The following HTT variants were observed in gnomAD, a reference collection of about 807,000 sequenced individuals.
HTT encodes the protein huntington disease protein.
A neutral mutation model predicts 362.3 loss-of-function variants in HTT; 104 were observed. The observed-to-expected ratio is 0.29, with a 90% CI of 0.24 to 0.34. HTT has a LOEUF of 0.34. HTT is among the 10% of genes least tolerant of loss of function. The pLI is 1.00. For missense variants in HTT, 3,301 were observed against 3,928.6 expected, an observed-to-expected ratio of 0.84 and a Z score of 4.27; for synonymous variants, 1,577 against 1,548.7, an observed-to-expected ratio of 1.02 and a Z score of -0.43.
intron 19 of HTT, among the ~76,000 whole-genome samples, chr4:3,135,077 A>G (rs1715996867): frequency 6.6e-6 from 1 of 151,856 alleles, no homozygotes; most frequent in African/African-American, 2.4e-5. Flanking sequence ...AGTCCTCGTC[A>G]TTTAAGTATT....
chr4:3,087,757 GT>G (rs1439546326), intron 2 of HTT, among the ~76,000 whole-genome samples: 1 of 152,114 alleles, frequency 6.6e-6, no homozygotes, highest in African/African-American at 2.4e-5. Context: ...TATTCTCCTG[GT>G]AGAAGCTAGA....
intron 29 of HTT, among the ~76,000 whole-genome samples, chr4:3,168,516 G>T (rs1052607779): frequency 2.6e-5 from 4 of 152,094 alleles, no homozygotes; most frequent in African/African-American, 7.2e-5. Context: ...CCACATTCTT[G>T]ACAGGTAATG....
intron 57 of HTT, among the ~76,000 whole-genome samples, chr4:3,227,114 C>CA (rs1720959616): frequency 6.6e-6 from 1 of 152,242 alleles, no homozygotes; most frequent in Non-Finnish European, 1.5e-5. Context: ...CCTATCCCCC[C>CA]AACCCCGCTG....
chr4:3,175,561 A>T (rs1180346704), intron 33 of HTT, among the ~76,000 whole-genome samples: 1 of 152,238 alleles, frequency 6.6e-6, no homozygotes, highest in Non-Finnish European at 1.5e-5. Flanking sequence ...AATGGAATTT[A>T]GCAGGACAGT....
rs1719452466 is a variant in HTT at position 3,199,897 on chromosome 4, A to C, written c.5534A>C (p.His1845Pro). The change falls in exon 41 of 67, where the codon CAC becomes CCC. Residue 1845 changes from histidine to proline, a missense_variant. Physicochemically the swap from His to Pro is moderately conservative, Grantham distance 77 (BLOSUM62 -2). This residue lies in a region of HTT where 2,316 missense variants were observed against 2,658.5 expected (regional missense o/e 0.87). Transcript: ENST00000355072. Reference protein sequence around the residue: ...LWCQILLLVNHTDYRWWAEVQ... With the variant: ...LWCQILLLVNPTDYRWWAEVQ... ...TGTCAGATACTGCTGCTTGTCAACC[A>C]CACCGACTACCGCTGGTGGGCAGAA... The C allele has an allele frequency of 6.2e-7, 1 of 1,613,966 alleles. No individual in the cohort carries two copies. Among genetic ancestry groups the C allele is most frequent in the East Asian group, 2.2e-5 (1 of 44,886 alleles).
chr4:3,229,089 C>A, intron 59 of HTT, 80 bp downstream of exon 59: 1 of 1,359,038 alleles, frequency 7.4e-7, no homozygotes, highest in Non-Finnish European at 1.0e-6. Flanking sequence ...ACACACACAC[C>A]GCCCACACAC....
chr4:3,100,990 A>G (rs1339651753), intron 3 of HTT, among the ~76,000 whole-genome samples: 1 of 152,190 alleles, frequency 6.6e-6, no homozygotes, highest in Non-Finnish European at 1.5e-5. Flanking sequence ...TGGTTTCCCA[A>G]AGTGCTGGGA....
intron 2 of HTT, among the ~76,000 whole-genome samples, chr4:3,088,193 T>TG (rs1275513320): frequency 6.7e-6 from 1 of 150,184 alleles, no homozygotes; most frequent in African/African-American, 2.5e-5. Context: ...CTTTTGTTTT[T>TG]TTTTTTTTTT....
At chr4:3,131,550 G>T in intron 15 of HTT, 88 bp from the exon 16 acceptor site, 1 of 1,554,850 alleles carries the variant, frequency 6.4e-7, no homozygotes. Context: ...GAAATGATGG[G>T]AGCAGGTAGG....
chr4:3,204,125 C>G lies in HTT; in HGVS notation c.5695C>G (p.Leu1899Val), dbSNP rs774487403. The stretch of plus-strand genomic sequence containing the variant: ...TAGAGAAATAGTACGAAGAGGGGCT[C>G]TCATTCTCTTCTGTGATTATGTCGT... ...CNREIVRRGA[L>V]ILFCDYVCQN... is the part of the protein sequence containing the mutation. The change falls in exon 42 of 67, where the codon CTC becomes GTC. Residue 1899 changes from leucine to valine, a missense_variant. Physicochemically the swap from Leu to Val is conservative, Grantham distance 32. Around this residue, in one of 4 missense-constraint regions of HTT, gnomAD observed 2,316 missense variants for 2,658.5 expected, o/e 0.87. Coordinates refer to ENST00000355072, the MANE Select transcript of HTT (RefSeq NM_001388492.1). 2 of 1,614,074 alleles carry G rather than the reference C, an allele frequency of 1.2e-6. No individual in the cohort carries two copies. Among genetic ancestry groups the G allele is most frequent in the Admixed American group, 1.7e-5 (1 of 60,006 alleles).
At chr4:3,235,499 G>A (rs1721484702) in intron 62 of HTT, 66 bp from the exon 63 acceptor site, 1 of 1,552,080 alleles carries the variant, frequency 6.4e-7, no homozygotes, top group South Asian at 1.1e-5. Context: ...ACTTGGTCGG[G>A]AGGAGGCATG....
intron 26 of HTT, among the ~76,000 whole-genome samples, chr4:3,151,063 A>C (rs1024335106): frequency 2.0e-5 from 3 of 152,070 alleles, no homozygotes; most frequent in African/African-American, 7.2e-5. Context: ...ACAAAAAAAA[A>C]AAAAACCAGG....
intron 21 of HTT, among the ~76,000 whole-genome samples, chr4:3,139,724 G>T (rs758569089): frequency 6.6e-6 from 1 of 152,228 alleles, no homozygotes; most frequent in Middle Eastern, 3.4e-3. Context: ...GTTAGGAATC[G>T]CAGCTTAAGC....
chr4:3,223,584 TCTGGGACATAGCAGGTG>T, intron 55 of HTT, 24 bp downstream of exon 55: 1 of 1,582,442 alleles, frequency 6.3e-7, no homozygotes, highest in Non-Finnish European at 8.6e-7. Context: ...CCCACGTGTC[TCTGGGACATAGCAGGTG>T]CTGGGGACAG....
intron 31 of HTT, 131 bp from the exon 32 acceptor site, chr4:3,174,590 G>T: frequency 1.5e-6 from 1 of 672,794 alleles, no homozygotes; most frequent in Non-Finnish European, 2.6e-6. Flanking sequence ...GGCCTTTCAA[G>T]TTGTTTCTCA....
chr4:3,169,910 C>G (rs150862954), intron 29 of HTT, among the ~76,000 whole-genome samples: 3 of 152,184 alleles, frequency 2.0e-5, no homozygotes, highest in Non-Finnish European at 2.9e-5. Flanking sequence ...GTTTTTATCT[C>G]TAGAAGTTTG....
chr4:3,081,336 A>G (rs1004170191), intron 1 of HTT, among the ~76,000 whole-genome samples: 1 of 152,204 alleles, frequency 6.6e-6, no homozygotes, highest in South Asian at 2.1e-4. Context: ...AGCAATATGT[A>G]TGAGTGTCTG....
In HTT at chr4:3,132,935, C is replaced by T. The variant is rs1233162502; in HGVS notation, c.2493+24C>T. 4 of 1,497,058 alleles carry T rather than the reference C, an allele frequency of 2.7e-6. No individual in the cohort carries two copies. In the East Asian group the frequency reaches 9.0e-5, roughly 34 times the overall value. 92.7% of individuals were successfully genotyped at this position (1,497,058 alleles called of 1,614,324 possible). A position where few individuals can be genotyped will look rare whatever the true frequency, so the allele number is the denominator to read the frequency against. On this transcript the variant is annotated intron_variant, in intron 18 of 66. Coordinates refer to ENST00000355072, the MANE Select transcript of HTT (RefSeq NM_001388492.1). ...GGGTGAGCATAATCTTCTGTGGAAC[C>T]ATTTCTTCACTTAGTGGACATTTTA...
rs573750525 is a variant in HTT at position 3,081,017 on chromosome 4, A to C, written c.264-5922A>C. 3.9e-5 allele frequency among the ~76,000 whole-genome samples: 6 copies of C among 152,330 alleles called. No individual in the cohort carries two copies. The East Asian group carries it at 1.2e-3, about 29-fold the overall frequency. ...TTTGTGTCACAGTTTAAATTCATGA[A>C]ATGTGAGTTCTCCAACTTTGTTCCT... On this transcript the variant is annotated intron_variant, in intron 1 of 66. Transcript: ENST00000355072.
Sources: gnomAD v4.1 joint callset for allele counts (sites outside exome capture counted in the v4.1 genomes callset) on GRCh38, gnomAD v4.1.1 for gene constraint, gnomAD v4.1.1 regional missense constraint, MANE v1.5 for transcripts, NCBI Gene and HGNC (gene_info 2026-07-23, HGNC 2026-07-21) for gene names.